SIPA1L3: variants seen among roughly 807,000 people sequenced by gnomAD.
SIPA1L3 encodes signal-induced proliferation-associated 1-like protein 3.
Under a neutral mutation model 150.1 loss-of-function variants are expected in SIPA1L3, and 59 were observed. That is an observed-to-expected ratio of 0.39 (90% CI 0.32 to 0.49). The LOEUF (loss-of-function observed/expected upper bound fraction) is 0.49. Ranked by LOEUF, SIPA1L3 falls within the 20% of genes least tolerant of loss-of-function variation. The pLI, the probability that SIPA1L3 is intolerant of heterozygous loss-of-function variation, is 0.86. For synonymous variants in SIPA1L3, 1,070 were observed against 1,077.6 expected, an observed-to-expected ratio of 0.99 and a Z score of 0.14; for missense variants, 2,211 against 2,489.5, an observed-to-expected ratio of 0.89 and a Z score of 2.38.
chr19:38,195,533 C>T (rs964538715), intron 18 of SIPA1L3, among the ~76,000 whole-genome samples: 26 of 152,188 alleles, frequency 1.7e-4, no homozygotes, highest in Non-Finnish European at 5.9e-5. Flanking sequence ...TCTCCTTCCT[C>T]GGCCTCTCCT....
chr19:37,961,010 A>G (rs2046853696), intron 1 of SIPA1L3, among the ~76,000 whole-genome samples: 1 of 151,858 alleles, frequency 6.6e-6, no homozygotes, highest in Non-Finnish European at 1.5e-5. Context: ...CTGGGCTTAC[A>G]GGCACCCGCC....
In SIPA1L3 at chr19:38,085,090, T is replaced by TA. The variant is rs1970096526; in HGVS notation, c.1534+1992dup. ...TCTGTTCCATAGCTGATCCACGTGA[T>TA]ACGTTTTACCCTTCAGACTGTGTGA... On this transcript the variant is annotated intron_variant, in intron 3 of 21. Transcript: ENST00000222345. Among the ~76,000 whole-genome samples, 4 of 152,168 alleles carry TA rather than the reference T, an allele frequency of 2.6e-5. No homozygotes were observed. In the South Asian group the frequency reaches 8.3e-4, roughly 32 times the overall value.
chr19:38,090,095 CGAGGCAGGCA>C (rs1266697031), intron 4 of SIPA1L3, among the ~76,000 whole-genome samples: 1 of 151,920 alleles, frequency 6.6e-6, no homozygotes, highest in Non-Finnish European at 1.5e-5. Context: ...TTTGGGAGGC[CGAGGCAGGCA>C]GGTCACCTGA....
At chr19:38,090,902 G>T (rs897188944) in intron 4 of SIPA1L3, among the ~76,000 whole-genome samples, 1 of 152,202 alleles carries the variant, frequency 6.6e-6, no homozygotes, top group African/African-American at 2.4e-5. Flanking sequence ...GGAAGAGGCA[G>T]CCCTAAAGCC....
chr19:38,192,349 C>T (rs774357986), intron 17 of SIPA1L3, 39 bp downstream of exon 17: 6 of 1,538,954 alleles, frequency 3.9e-6, no homozygotes, highest in Admixed American at 2.0e-5. Flanking sequence ...ACCCCCAGCT[C>T]CCAAGGGGAT....
intron 2 of SIPA1L3, among the ~76,000 whole-genome samples, chr19:38,035,161 C>A (rs897495486): frequency 6.6e-6 from 1 of 152,162 alleles, no homozygotes; most frequent in Non-Finnish European, 1.5e-5. Flanking sequence ...ATCAAGGAGC[C>A]GTTTCTACCA....
chr19:38,200,686 G>C (rs1973068418), intron 19 of SIPA1L3: 1 of 152,122 alleles, frequency 6.6e-6, no homozygotes, highest in Admixed American at 6.6e-5. Flanking sequence ...CCAGCACTTT[G>C]GGAGGCTGAG....
chr19:37,957,956 C>G (rs1237989650), intron 1 of SIPA1L3, among the ~76,000 whole-genome samples: 1 of 152,046 alleles, frequency 6.6e-6, no homozygotes, highest in East Asian at 1.9e-4. Flanking sequence ...CCAAACAGTC[C>G]TCCTGCCTCA....
At chr19:37,925,725 C>T (rs2046498006) in intron 1 of SIPA1L3, among the ~76,000 whole-genome samples, 2 of 151,056 alleles carry the variant, frequency 1.3e-5, no homozygotes, top group African/African-American at 4.9e-5. Context: ...TCCTGAGTAG[C>T]TGGGACTACA....
At position 38,207,425 on chromosome 19, in the gene SIPA1L3, G is replaced by GATATATATAT. The variant is rs34359575; in HGVS notation, c.*1200_*1209dup. ...CCTTCTTTAAAAGCAAACAGAAAAA[G>GATATATATAT]ATATATATATATATATATATATATT... On this transcript the variant is annotated 3_prime_UTR_variant, in exon 22 of 22. Transcript: ENST00000222345. 1 of 139,176 alleles carries GATATATATAT rather than the reference G, an allele frequency of 7.2e-6. No homozygotes were observed. The highest frequency in any genetic ancestry group is 2.6e-5 in the African/African-American group (1 of 38,188). The allele number at this position is 139,176 out of a possible 1,614,324, so 8.6% of individuals were successfully genotyped here. A position where few individuals can be genotyped will look rare whatever the true frequency, so the allele number is the denominator to read the frequency against.
intron 13 of SIPA1L3, among the ~76,000 whole-genome samples, chr19:38,158,253 C>T (rs902219298): frequency 1.3e-5 from 2 of 152,066 alleles, no homozygotes; most frequent in South Asian, 2.1e-4. Flanking sequence ...AAAGTGGAAA[C>T]TGTCACAGTG....
chr19:38,100,311 T>C (rs564317746), intron 5 of SIPA1L3, among the ~76,000 whole-genome samples, 161 bp downstream of exon 5: 1 of 152,280 alleles, frequency 6.6e-6, no homozygotes, highest in African/African-American at 2.4e-5. Context: ...CAAATTCTAG[T>C]GGTGCCAAGA....
intron 8 of SIPA1L3, among the ~76,000 whole-genome samples, chr19:38,114,595 G>T (rs553358722): frequency 2.6e-5 from 4 of 152,288 alleles, no homozygotes; most frequent in African/African-American, 9.6e-5. Flanking sequence ...AATTTACCTG[G>T]TGTGTGTGGC....
intron 1 of SIPA1L3, among the ~76,000 whole-genome samples, chr19:38,024,385 A>G (rs1211778878): frequency 6.6e-6 from 1 of 152,182 alleles, no homozygotes; most frequent in African/African-American, 2.4e-5. Flanking sequence ...CCTGTTTTAT[A>G]AAGCAGGAAA....
chr19:38,110,958 C>G (rs1970723158), intron 8 of SIPA1L3, among the ~76,000 whole-genome samples: 1 of 151,436 alleles, frequency 6.6e-6, no homozygotes, highest in Non-Finnish European at 1.5e-5. Context: ...CGGAGGGAAG[C>G]AGGGCCTACC....
chr19:38,058,630 G>A (rs965475523), intron 2 of SIPA1L3, among the ~76,000 whole-genome samples: 1 of 152,196 alleles, frequency 6.6e-6, no homozygotes, highest in African/African-American at 2.4e-5. Flanking sequence ...ATCTCTTATA[G>A]GAGAGAGAAA....
chr19:38,004,162 A>G (rs181998020), intron 1 of SIPA1L3, among the ~76,000 whole-genome samples: 180 of 152,314 alleles, frequency 1.2e-3, no homozygotes, highest in African/African-American at 4.1e-3. Flanking sequence ...TAACAGCTCA[A>G]TCAAGTGTAT....
intron 19 of SIPA1L3, 76 bp from the exon 20 acceptor site, chr19:38,201,786 G>C: frequency 1.4e-6 from 2 of 1,475,778 alleles, no homozygotes; most frequent in Non-Finnish European, 9.0e-7. Context: ...GGTTTGCAGG[G>C]AGAGGCGTGG....
At chr19:38,127,845 C>T (rs542992045) in intron 9 of SIPA1L3, among the ~76,000 whole-genome samples, 2 of 152,040 alleles carry the variant, frequency 1.3e-5, no homozygotes, top group African/African-American at 4.8e-5. Flanking sequence ...ATATCTTAGT[C>T]CACTTAGCCT....
Sources: gnomAD v4.1 joint callset for allele counts (sites outside exome capture counted in the v4.1 genomes callset) on GRCh38, gnomAD v4.1.1 for gene constraint, MANE v1.5 for transcripts, NCBI Gene and HGNC (gene_info 2026-07-23, HGNC 2026-07-21) for gene names.